The following CEP83 variants were observed in gnomAD, a reference collection of about 807,000 sequenced individuals.
CEP83 encodes centrosomal protein of 83 kDa.
A neutral mutation model predicts 101.9 loss-of-function variants in CEP83; 70 were observed. That is an observed-to-expected ratio of 0.69 (90% CI 0.57 to 0.84). CEP83 has a LOEUF of 0.84. Ranked by LOEUF, CEP83 falls within the 40% of genes least tolerant of loss-of-function variation. The probability of loss-of-function intolerance (pLI) is 0.00; values close to 1 mark genes in which losing one functional copy is unlikely to be tolerated. For synonymous variants in CEP83, 264 were observed against 267.9 expected (o/e 0.99, Z 0.14); for missense variants, 715 against 787.2 (o/e 0.91, Z 1.10).
At position 94,307,771 on chromosome 12, in the gene CEP83, T is replaced by TATA. The variant is rs1048780208; in HGVS notation, c.*1039_*1041dup. The stretch of plus-strand genomic sequence containing the variant: ...ATTTTTCAGAGATAAGGTGTCACTG[T>TATA]ATATGCTGTGAATAAGCAGCTATAT... On this transcript the variant is annotated 3_prime_UTR_variant, in exon 17 of 17. Transcript: ENST00000397809. 6.6e-6 allele frequency: 1 copy of TATA among 152,066 alleles called. No homozygotes were observed. The highest frequency in any genetic ancestry group is 1.5e-5 in the Non-Finnish European group (1 of 68,020). 9.4% of individuals were successfully genotyped at this position (152,066 alleles called of 1,614,324 possible). A position where few individuals can be genotyped will look rare whatever the true frequency, so the allele number is the denominator to read the frequency against.
At chr12:94,444,256 A>T (rs188338175) in intron 1 of CEP83, among the ~76,000 whole-genome samples, 17 of 152,216 alleles carry the variant, frequency 1.1e-4, no homozygotes, top group Admixed American at 9.8e-4. Flanking sequence ...AAAATTAGCC[A>T]GGCATGGTGG....
At chr12:94,341,334 A>G (rs2059679755) in intron 11 of CEP83, among the ~76,000 whole-genome samples, 3 of 152,086 alleles carry the variant, frequency 2.0e-5, no homozygotes, top group African/African-American at 7.3e-5. Flanking sequence ...AAATAAATGG[A>G]TATTTCTGCT....
chr12:94,380,652 G>A (rs2061797811), intron 6 of CEP83, among the ~76,000 whole-genome samples: 1 of 152,116 alleles, frequency 6.6e-6, no homozygotes, highest in Non-Finnish European at 1.5e-5. Flanking sequence ...AGGTGTGATG[G>A]CTCATCTAAG....
At chr12:94,341,977 T>C (rs539533056) in intron 11 of CEP83, among the ~76,000 whole-genome samples, 1 of 152,198 alleles carries the variant, frequency 6.6e-6, no homozygotes, top group Non-Finnish European at 1.5e-5. Flanking sequence ...GGTCTACCCC[T>C]ACTTTCTGGA....
intron 11 of CEP83, chr12:94,361,581 G>A (rs2060762655): frequency 6.6e-6 from 1 of 151,974 alleles, no homozygotes; most frequent in African/African-American, 2.4e-5. Flanking sequence ...GAAAACGCAG[G>A]CAACAAAAGC....
intron 1 of CEP83, among the ~76,000 whole-genome samples, chr12:94,442,543 G>A (rs190663748): frequency 4.0e-5 from 6 of 151,672 alleles, no homozygotes; most frequent in Admixed American, 2.0e-4. Context: ...GAAAAAACAC[G>A]GAAAGAAAGG....
downstream of CEP83, chr12:94,303,963 A>G (rs1422849286): frequency 1.2e-6 from 2 of 1,606,804 alleles, no homozygotes; most frequent in African/African-American, 2.7e-5. Flanking sequence ...TCTCTCAACA[A>G]GTCTTTCTTT....
rs1319170703 is a variant in CEP83 at position 94,314,659 on chromosome 12, T to A, written c.1708-1642A>T. On this transcript the variant is annotated intron_variant, in intron 14 of 16. Transcript: ENST00000397809. Reference sequence around the variant, plus strand: ...TCCAGTTGGGACTATTACAAATAACTCTGCTACGAGCATTCATTCTCATGC... The same window carrying A: ...TCCAGTTGGGACTATTACAAATAACACTGCTACGAGCATTCATTCTCATGC... 3.9e-5 allele frequency among the ~76,000 whole-genome samples: 6 copies of A among 152,342 alleles called. No homozygotes were observed. The East Asian group carries it at 5.8e-4, about 15-fold the overall frequency.
chr12:94,369,621 A>G (rs955608057), intron 9 of CEP83: 1 of 197,496 alleles, frequency 5.1e-6, no homozygotes, highest in African/African-American at 2.3e-5. Flanking sequence ...CCTGGGACTA[A>G]TAACTACACC....
chr12:94,382,920 T>C (rs573071206), intron 6 of CEP83, among the ~76,000 whole-genome samples: 7 of 152,182 alleles, frequency 4.6e-5, no homozygotes, highest in African/African-American at 1.7e-4. Flanking sequence ...TATTTATCCT[T>C]GCTGATTTTT....
At chr12:94,310,675 T>C (rs1969718901) in intron 15 of CEP83, among the ~76,000 whole-genome samples, 2 of 152,266 alleles carry the variant, frequency 1.3e-5, no homozygotes, top group South Asian at 2.1e-4. Flanking sequence ...TGTATATAAG[T>C]AGACCCATGC....
At chr12:94,440,779 ACTATACCAAGGCTATAG>A (rs1199710360) in intron 1 of CEP83, among the ~76,000 whole-genome samples, 1 of 152,156 alleles carries the variant, frequency 6.6e-6, no homozygotes. Context: ...CCAACTTCAA[ACTATACCAAGGCTATAG>A]TTACCAAAAC....
At chr12:94,376,455 T>A (rs530225021) in intron 7 of CEP83, among the ~76,000 whole-genome samples, 1 of 151,660 alleles carries the variant, frequency 6.6e-6, no homozygotes, top group Non-Finnish European at 1.5e-5. Context: ...TCAATGATTT[T>A]AAAAAAAGAA....
chr12:94,403,188 A>G lies in CEP83; in HGVS notation c.399T>C (p.Arg133=), dbSNP rs2137619331. 1 of 1,565,140 alleles carries G rather than the reference A, an allele frequency of 6.4e-7. No individual in the cohort carries two copies. Among genetic ancestry groups the G allele is most frequent in the Non-Finnish European group, 8.8e-7 (1 of 1,136,756 alleles). ...TACTTACTTCATCTAGATTCCTAAAACGTTCTCTCATTGGAGTTTCTAATT... is the reference window on the plus strand; with the variant it reads ...TACTTACTTCATCTAGATTCCTAAAGCGTTCTCTCATTGGAGTTTCTAATT... The part of the protein sequence containing the change: ...QQELETPMRE[R]FRNLDEEVEK... Residue 133 remains arginine, a synonymous_variant, in exon 5 of 17, where the codon CGT becomes CGC. Coordinates refer to ENST00000397809, the MANE Select transcript of CEP83 (RefSeq NM_016122.3).
the CEP83 span, among the ~76,000 whole-genome samples, chr12:94,289,307 A>T: frequency 6.6e-6 from 1 of 152,158 alleles, no homozygotes; most frequent in Non-Finnish European, 1.5e-5. Context: ...CATCTCTGCC[A>T]CTTCTAACGT....
chr12:94,393,433 T>C (rs894804067), intron 6 of CEP83, among the ~76,000 whole-genome samples: 1 of 152,226 alleles, frequency 6.6e-6, no homozygotes, highest in East Asian at 1.9e-4. Flanking sequence ...CAGAACTTCA[T>C]GCTAAAAGCT....
chr12:94,376,037 G>C lies in CEP83; in HGVS notation c.802-20C>G. The C allele has an allele frequency of 6.9e-7, 1 of 1,449,270 alleles. No individual in the cohort carries two copies. The allele number at this position is 1,449,270 out of a possible 1,614,324, so 89.8% of individuals were successfully genotyped here. On this transcript the variant is annotated intron_variant, in intron 7 of 16. Coordinates refer to ENST00000397809, the MANE Select transcript of CEP83 (RefSeq NM_016122.3). Reference sequence around the variant, plus strand: ...TTCAGCCTTTCATACAAACAAAATAGTTTAAAATTCATCATTTTTCAAGTA... The same window carrying C: ...TTCAGCCTTTCATACAAACAAAATACTTTAAAATTCATCATTTTTCAAGTA...
intron 14 of CEP83, among the ~76,000 whole-genome samples, chr12:94,329,226 T>G (rs1172345196): frequency 6.6e-6 from 1 of 152,198 alleles, no homozygotes; most frequent in Non-Finnish European, 1.5e-5. Flanking sequence ...GTCACAATAC[T>G]AATGAAATGT....
intron 1 of CEP83, among the ~76,000 whole-genome samples, chr12:94,445,165 T>TA (rs2066705480): frequency 6.6e-6 from 1 of 151,970 alleles, no homozygotes; most frequent in Admixed American, 6.6e-5. Flanking sequence ...TGTCCAGAAA[T>TA]AGAGTCAAAT....
Sources: gnomAD v4.1 joint callset for allele counts (sites outside exome capture counted in the v4.1 genomes callset) on GRCh38, gnomAD v4.1.1 for gene constraint, MANE v1.5 for transcripts, NCBI Gene and HGNC (gene_info 2026-07-23, HGNC 2026-07-21) for gene names.